Variants in WDR35 observed in about 807,000 individuals in gnomAD.
WDR35 encodes the protein WD repeat domain 35, also known as WD repeat-containing protein 35.
In WDR35, 118 loss-of-function variants were observed where a neutral mutation model predicts 158.3. The ratio of observed to expected loss-of-function variants is 0.75; its 90% confidence interval spans 0.64 to 0.87. WDR35 has a LOEUF of 0.87. Among genes scored for constraint, WDR35 ranks in the 40% least tolerant of loss-of-function variants. The probability of loss-of-function intolerance (pLI) is 0.00; values close to 1 mark genes in which losing one functional copy is unlikely to be tolerated. For missense variants in WDR35, 1,263 were observed against 1,405.8 expected, an observed-to-expected ratio of 0.90 and a Z score of 1.62; for synonymous variants, 448 against 476.1, an observed-to-expected ratio of 0.94 and a Z score of 0.77.
intron 26 of WDR35, 122 bp downstream of exon 26, chr2:19,913,915 T>C (rs1246102169): frequency 1.0e-4 from 147 of 1,471,616 alleles, no homozygotes; most frequent in Non-Finnish European, 1.3e-4. Flanking sequence ...TAAAATAGGG[T>C]ATAATGTTAA....
rs1233612855 is a variant in WDR35, at chr2:19,951,468, C to T, written c.1417G>A (p.Asp473Asn). 1 of 1,611,018 alleles carries T rather than the reference C, an allele frequency of 6.2e-7. No homozygotes were observed. Among genetic ancestry groups the T allele is most frequent in the Non-Finnish European group, 8.5e-7 (1 of 1,178,240 alleles). The change falls in exon 13 of 27, where the codon GAT becomes AAT. Residue 473 changes from aspartate (D) to asparagine (N), a missense_variant. By Grantham distance (23) the Asp-to-Asn change is conservative. Transcript: ENST00000281405. ...EGRERIYHVD[D>N]TPSGSMDGVL... ...CCATCCATTGATCCAGAAGGGGTAT[C>T]ATCAACATGATAAATTCTGCAAAAA...
chr2:19,963,882 T>A (rs1214369253), intron 10 of WDR35, among the ~76,000 whole-genome samples: 1 of 152,096 alleles, frequency 6.6e-6, no homozygotes, highest in Non-Finnish European at 1.5e-5. Context: ...TAGCTGGGAT[T>A]ACAGGCACCC....
In WDR35 at chr2:19,936,283, C is replaced by T. The variant is rs774504036; in HGVS notation, c.2350G>A (p.Asp784Asn). 5 of 1,613,930 alleles carry T rather than the reference C, an allele frequency of 3.1e-6. No individual in the cohort carries two copies. The highest frequency in any genetic ancestry group is 4.2e-6 in the Non-Finnish European group (5 of 1,179,958). Residue 784 changes from aspartate to asparagine, a missense_variant, in exon 20 of 27, where the codon GAT (aspartate) becomes AAT (asparagine). Coordinates refer to ENST00000281405, the MANE Select transcript of WDR35 (RefSeq NM_020779.4). ...QLLKTGSGDA[D>N]DSLLEQANNA... ...TTGGCTTGTTCCAGGAGACTGTCAT[C>T]TGCATCACCAGATCCAGTTTTCAGG...
rs1199283609 is a variant in WDR35, at chr2:19,973,555, G to A, written c.882+8C>T. The A allele has an allele frequency of 6.8e-6, 11 of 1,613,982 alleles. No homozygotes were observed. The highest frequency in any genetic ancestry group is 9.3e-6 in the Non-Finnish European group (11 of 1,179,994). On this transcript the variant is annotated splice_region_variant and intron_variant, in intron 8 of 26. Coordinates refer to ENST00000281405, the MANE Select transcript of WDR35 (RefSeq NM_020779.4). ...AGAAAGAAAGAAGATCAATTTGAAT[G>A]CATTTACCTCACCAAACGGAGTGTA...
In WDR35 at chr2:19,913,503, T is replaced by C; in HGVS notation, c.*55A>G. 3.8e-6 allele frequency: 6 copies of C among 1,596,282 alleles called. No individual in the cohort carries two copies. Among genetic ancestry groups the C allele is most frequent in the Non-Finnish European group, 5.2e-6 (6 of 1,163,984 alleles). ...TAAACCTTATTACATATACAGCATATAGCCATGTATATATGCTACATATAT... is the reference window on the plus strand; with the variant it reads ...TAAACCTTATTACATATACAGCATACAGCCATGTATATATGCTACATATAT... On this transcript the variant is annotated 3_prime_UTR_variant, in exon 27 of 27. Coordinates refer to ENST00000281405, the MANE Select transcript of WDR35 (RefSeq NM_020779.4).
In WDR35 at chr2:19,980,273, A is replaced by G. The variant is rs555341365; in HGVS notation, c.307+418T>C. ...GGTTCTACGTATAAAATGAACAAAC[A>G]GTCATTTCCCCTTTCCCCTCAGAGC... is the stretch of plus-strand genomic sequence containing the variant. On this transcript the variant is annotated intron_variant, in intron 4 of 26. Transcript: ENST00000281405. Among the ~76,000 whole-genome samples, 271 of 152,316 alleles carry G rather than the reference A, an allele frequency of 1.8e-3. 1 individual carries two copies. The highest frequency in any genetic ancestry group is 4.2e-3 in the East Asian group (22 of 5,180).
rs574439539 is a variant in WDR35, at chr2:19,967,341, CAT to C, written c.1009-434_1009-433del. Among the ~76,000 whole-genome samples, 175 of 152,218 alleles carry C rather than the reference CAT, an allele frequency of 1.1e-3. 1 individual carries two copies. The highest frequency in any genetic ancestry group is 4.1e-3 in the African/African-American group (170 of 41,546). ...TTTATATTTGCTTTTATCAGAGTAA[CAT>C]ATTCACATAATATATGGTCAAATAA... On this transcript the variant is annotated intron_variant, in intron 9 of 26. Transcript: ENST00000281405.
intron 25 of WDR35, among the ~76,000 whole-genome samples, chr2:19,926,430 C>T (rs895824109): frequency 6.6e-6 from 1 of 152,234 alleles, no homozygotes; most frequent in Non-Finnish European, 1.5e-5. Flanking sequence ...AAGCTTGTAG[C>T]TGTAATTGAG....
At chr2:19,920,550 C>G (rs1670138285) in intron 25 of WDR35, among the ~76,000 whole-genome samples, 3 of 152,184 alleles carry the variant, frequency 2.0e-5, no homozygotes. Flanking sequence ...GAAAAACTCT[C>G]AACAAACTAG....
chr2:19,973,628 A>C lies in WDR35; in HGVS notation c.817T>G (p.Phe273Val), dbSNP rs370377789. The C allele has an allele frequency of 1.6e-4, 265 of 1,614,128 alleles. No individual in the cohort carries two copies. The highest frequency in any genetic ancestry group is 2.2e-4 in the Non-Finnish European group (259 of 1,180,054). Residue 273 changes from phenylalanine (F) to valine (V), a missense_variant, in exon 8 of 27, where the codon TTC becomes GTC. Physicochemically the swap from Phe to Val is conservative, Grantham distance 50. Transcript: ENST00000281405. ...TTGTCCTGCATGGCTGCCTTCTGGA[A>C]GCCTGCCACAGCTAACACGCTGCCC... ...HMGSVLAVAG[F>V]QKAAMQDKDV...
rs1386614345 is a variant in WDR35 at position 19,945,785 on chromosome 2, C to T, written c.1845+1G>A. ...TGTTAACACTCATTTCTTGTTTTTA[C>T]CTCAGGATCCAAGTTTCTGAAAACA... On this transcript the variant is annotated splice_donor_variant, in intron 16 of 26. Transcript: ENST00000281405. LOFTEE classifies it high-confidence loss of function. 1 of 1,613,602 alleles carries T rather than the reference C, an allele frequency of 6.2e-7. No homozygotes were observed. The highest frequency in any genetic ancestry group is 8.5e-7 in the Non-Finnish European group (1 of 1,179,726).
At chr2:19,926,419 G>A (rs1282113949) in intron 25 of WDR35, among the ~76,000 whole-genome samples, 4 of 152,222 alleles carry the variant, frequency 2.6e-5, no homozygotes, top group Admixed American at 6.5e-5. Context: ...TTCAAAAAGC[G>A]AAGCTTGTAG....
At chr2:19,914,634 A>G in intron 25 of WDR35, among the ~76,000 whole-genome samples, 1 of 152,216 alleles carries the variant, frequency 6.6e-6, no homozygotes, top group Non-Finnish European at 1.5e-5. Flanking sequence ...TGAGTATTAT[A>G]CTATGTTAGT....
intron 24 of WDR35, 50 bp from the exon 25 acceptor site, chr2:19,930,602 G>A (rs1315535454): frequency 2.5e-6 from 4 of 1,611,272 alleles, no homozygotes; most frequent in Non-Finnish European, 2.5e-6. Context: ...CGCACACACA[G>A]TGTCAACTCC....
Position 19,938,289 on chromosome 2 carries a change from T to G in WDR35, c.2039A>C (p.Glu680Ala). 2 of 1,614,098 alleles carry G rather than the reference T, an allele frequency of 1.2e-6. No individual in the cohort carries two copies. Among genetic ancestry groups the G allele is most frequent in the East Asian group, 4.5e-5 (2 of 44,864 alleles). Reference protein sequence around the residue: ...VGIKDASQFIEDNPHPRLWRL... With the variant: ...VGIKDASQFIADNPHPRLWRL... ...CCAAAGTCGGGGGTGTGGATTGTCC[T>G]CTATGAACTGAGATGCATCTTTAAT... Residue 680 changes from glutamate (E) to alanine (A), a missense_variant, in exon 18 of 27, where the codon GAG becomes GCG. By Grantham distance (107) the Glu-to-Ala change is moderately radical (BLOSUM62 -1). Transcript: ENST00000281405.
At chr2:19,969,022 C>T (rs1445355474) in intron 9 of WDR35, among the ~76,000 whole-genome samples, 1 of 152,206 alleles carries the variant, frequency 6.6e-6, no homozygotes, top group African/African-American at 2.4e-5. Flanking sequence ...CCCCAAATCC[C>T]TCTCTGCCTG....
intron 11 of WDR35, among the ~76,000 whole-genome samples, chr2:19,955,663 T>C (rs1454174080): frequency 2.0e-5 from 3 of 152,342 alleles, no homozygotes; most frequent in South Asian, 4.1e-4. Flanking sequence ...AATTTCTCTA[T>C]TATAAATACT....
rs1201417462 is a variant in WDR35, at chr2:19,932,409, C to G, written c.2697G>C (p.Met899Ile). The G allele has an allele frequency of 6.2e-7, 1 of 1,613,258 alleles. No individual in the cohort carries two copies. Among genetic ancestry groups the G allele is most frequent in the South Asian group, 1.1e-5 (1 of 91,066 alleles). ...TAGCTAACAGAGATCCAATTTCTTT[C>G]ATACTATGATTTTTAGCCAATTCAA... ...KAVELAKNHS[M>I]KEIGSLLARY... Residue 899 changes from methionine (M) to isoleucine (I), a missense_variant, in exon 23 of 27, where the codon ATG (methionine) becomes ATC (isoleucine). Transcript: ENST00000281405.
At chr2:19,951,546 C>A in intron 12 of WDR35, 62 bp from the exon 13 acceptor site, 1 of 1,296,294 alleles carries the variant, frequency 7.7e-7, no homozygotes, top group Middle Eastern at 1.9e-4. Flanking sequence ...TTCATAATCT[C>A]TAGAATAAAC....
Sources: allele counts gnomAD v4.1 joint callset (sites outside exome capture counted in the v4.1 genomes callset), GRCh38; gene constraint gnomAD v4.1.1; transcripts MANE v1.5; gene names NCBI Gene and HGNC (gene_info 2026-07-23, HGNC 2026-07-21).